The following CSMD3 variants were observed in gnomAD, a reference collection of about 807,000 sequenced individuals.
The protein encoded by CSMD3 is CUB and sushi domain-containing protein 3.
In CSMD3, 177 loss-of-function variants were observed where a neutral mutation model predicts 435.2. The ratio of observed to expected loss-of-function variants is 0.41; its 90% confidence interval spans 0.36 to 0.46. CSMD3 has a LOEUF of 0.46. CSMD3 is among the 20% of genes least tolerant of loss of function. The pLI is 0.34. For synonymous variants in CSMD3, 1,656 were observed against 1,520.5 expected, an observed-to-expected ratio of 1.09 and a Z score of -2.07; for missense variants, 4,265 against 4,504.6, an observed-to-expected ratio of 0.95 and a Z score of 1.52.
At chr8:112,446,980 T>C (rs1202624058) in intron 32 of CSMD3, among the ~76,000 whole-genome samples, 2 of 152,184 alleles carry the variant, frequency 1.3e-5, no homozygotes, top group Non-Finnish European at 2.9e-5. Flanking sequence ...ATTGAGGTTG[T>C]TGTTCATAGT....
chr8:112,711,304 G>T (rs2076604999), intron 13 of CSMD3, among the ~76,000 whole-genome samples: 1 of 151,902 alleles, frequency 6.6e-6, no homozygotes, highest in African/African-American at 2.4e-5. Flanking sequence ...GTGCCAGAAG[G>T]CCCAAAATGA....
At chr8:112,418,071 CA>C (rs1367304236) in intron 32 of CSMD3, among the ~76,000 whole-genome samples, 1 of 152,078 alleles carries the variant, frequency 6.6e-6, no homozygotes, top group Admixed American at 6.6e-5. Flanking sequence ...ATTACCAACA[CA>C]GCACAGATGA....
intron 22 of CSMD3, among the ~76,000 whole-genome samples, chr8:112,606,441 C>T (rs748272246): frequency 3.2e-4 from 48 of 152,272 alleles, no homozygotes; most frequent in Admixed American, 4.6e-4. Context: ...CCATCAGAGA[C>T]GCTACCATGA....
At chr8:112,532,636 AC>A (rs2131081033) in intron 27 of CSMD3, among the ~76,000 whole-genome samples, 1 of 152,256 alleles carries the variant, frequency 6.6e-6, no homozygotes, top group Non-Finnish European at 1.5e-5. Context: ...AGAAATAAAA[AC>A]TTTCACAAAC....
At chr8:113,428,254 ATCT>A (rs1307768391) in intron 1 of CSMD3, among the ~76,000 whole-genome samples, 4 of 131,008 alleles carry the variant, frequency 3.1e-5, no homozygotes, top group East Asian at 4.2e-4. Flanking sequence ...CTATCTATCT[ATCT>A]ATCTTTCTGT....
chr8:113,248,643 T>A (rs2093304247), intron 3 of CSMD3, among the ~76,000 whole-genome samples: 2 of 150,958 alleles, frequency 1.3e-5, no homozygotes, highest in South Asian at 4.2e-4. Context: ...ATCTTTCCAC[T>A]GAGCAGTTCT....
chr8:113,326,200 C>T (rs11778755), intron 1 of CSMD3, among the ~76,000 whole-genome samples: 49,546 of 151,950 alleles, frequency 0.33, 10,023 homozygotes, highest in Non-Finnish European at 0.47. Flanking sequence ...CCACATTTTA[C>T]GGTTCAATAA....
chr8:112,308,206 T>A (rs1223892569), intron 50 of CSMD3, among the ~76,000 whole-genome samples: 1 of 152,134 alleles, frequency 6.6e-6, no homozygotes, highest in Non-Finnish European at 1.5e-5. Context: ...TGATGTCTGA[T>A]AAAGCAATGT....
At chr8:112,446,717 T>G (rs1815644504) in intron 32 of CSMD3, among the ~76,000 whole-genome samples, 1 of 152,202 alleles carries the variant, frequency 6.6e-6, no homozygotes, top group South Asian at 2.1e-4. Context: ...TATATTAAAT[T>G]TGCATAAAAT....
intron 5 of CSMD3, among the ~76,000 whole-genome samples, chr8:113,091,609 TATA>T (rs1431962032): frequency 6.6e-6 from 1 of 151,994 alleles, no homozygotes; most frequent in Non-Finnish European, 1.5e-5. Flanking sequence ...CCGTATCAAT[TATA>T]ATGTTTTCTT....
intron 10 of CSMD3, among the ~76,000 whole-genome samples, chr8:112,899,086 C>T (rs1395910028): frequency 6.6e-6 from 1 of 151,168 alleles, no homozygotes; most frequent in Non-Finnish European, 1.5e-5. Flanking sequence ...CGGACATGTA[C>T]ACCATGAAAT....
chr8:112,546,014 G>A (rs1157589666), intron 27 of CSMD3, among the ~76,000 whole-genome samples: 1 of 152,196 alleles, frequency 6.6e-6, no homozygotes, highest in Admixed American at 6.5e-5. Flanking sequence ...TTTAGCCTAT[G>A]TCCTGGAAAA....
chr8:112,608,159 C>T (rs1411261326), intron 22 of CSMD3, among the ~76,000 whole-genome samples: 1 of 151,732 alleles, frequency 6.6e-6, no homozygotes, highest in Admixed American at 6.6e-5. Flanking sequence ...CATATACTAA[C>T]AATGAACTAT....
intron 27 of CSMD3, among the ~76,000 whole-genome samples, chr8:112,524,873 T>G (rs1824699075): frequency 6.6e-6 from 1 of 152,064 alleles, no homozygotes; most frequent in African/African-American, 2.4e-5. Context: ...TAATCATTTC[T>G]GTTACACATG....
chr8:113,360,236 A>T (rs2094263165), intron 1 of CSMD3, among the ~76,000 whole-genome samples: 1 of 152,176 alleles, frequency 6.6e-6, no homozygotes, highest in Non-Finnish European at 1.5e-5. Context: ...TGACAAGAGT[A>T]GCTCTGGATT....
intron 8 of CSMD3, among the ~76,000 whole-genome samples, chr8:112,949,045 A>C (rs923549392): frequency 6.6e-6 from 1 of 151,986 alleles, no homozygotes; most frequent in African/African-American, 2.4e-5. Context: ...AAGGTGCCAA[A>C]GTGTTGCGGT....
At chr8:113,422,685 C>G (rs11986021) in intron 1 of CSMD3, among the ~76,000 whole-genome samples, 2,752 of 152,012 alleles carry the variant, frequency 0.018, 95 homozygotes, top group African/African-American at 0.061. Context: ...GCAAAACAAA[C>G]AAAGAAACAA....
At chr8:112,823,285 T>G (rs2079579859) in intron 12 of CSMD3, among the ~76,000 whole-genome samples, 1 of 152,144 alleles carries the variant, frequency 6.6e-6, no homozygotes, top group African/African-American at 2.4e-5. Flanking sequence ...TGGTTGGTAC[T>G]CTAATAATTA....
intron 3 of CSMD3, among the ~76,000 whole-genome samples, chr8:113,264,268 G>A (rs1189790687): frequency 6.6e-6 from 1 of 151,300 alleles, no homozygotes; most frequent in Admixed American, 6.6e-5. Context: ...TATGGCCTTT[G>A]AGTGAAAAAT....
Sources: gnomAD v4.1 joint callset for allele counts (sites outside exome capture counted in the v4.1 genomes callset) on GRCh38, gnomAD v4.1.1 for gene constraint, MANE v1.5 for transcripts, NCBI Gene and HGNC (gene_info 2026-07-23, HGNC 2026-07-21) for gene names.